Variants in CAMTA1 observed in about 807,000 individuals in gnomAD.
The protein encoded by CAMTA1 is calmodulin-binding transcription activator 1.
CAMTA1 carries 27 observed loss-of-function variants against 170.9 expected under a neutral mutation model. That is an observed-to-expected ratio of 0.16 (90% CI 0.12 to 0.22). The LOEUF is 0.22. Ranked by LOEUF, CAMTA1 falls within the 10% of genes least tolerant of loss-of-function variation. The pLI is 1.00. For missense variants in CAMTA1, 1,619 were observed against 2,217.2 expected (o/e 0.73, Z 5.42); for synonymous variants, 833 against 891.5 (o/e 0.93, Z 1.17).
At chr1:7,071,064 G>T (rs774579315) in intron 3 of CAMTA1, among the ~76,000 whole-genome samples, 3 of 152,244 alleles carry the variant, frequency 2.0e-5, no homozygotes. Context: ...GCCAGTCAGA[G>T]CCCGCAGACT....
chr1:6,915,161 A>G (rs11120785), intron 3 of CAMTA1, among the ~76,000 whole-genome samples: 105,862 of 152,098 alleles, frequency 0.7, 37,236 homozygotes, highest in Admixed American at 0.78. Flanking sequence ...TAAAATCCAG[A>G]CACTTTGGAT....
chr1:7,088,372 A>G (rs993890689), intron 3 of CAMTA1, among the ~76,000 whole-genome samples: 1 of 152,090 alleles, frequency 6.6e-6, no homozygotes, highest in Non-Finnish European at 1.5e-5. Flanking sequence ...GACCCCTGCT[A>G]AGTTTGGCCA....
chr1:7,555,747 T>C (rs557027330), intron 6 of CAMTA1, among the ~76,000 whole-genome samples: 1 of 129,832 alleles, frequency 7.7e-6, no homozygotes, highest in Non-Finnish European at 1.7e-5. Context: ...CAAACCAAGC[T>C]CAAGCCCAGG....
intron 4 of CAMTA1, among the ~76,000 whole-genome samples, chr1:7,236,690 C>G (rs1205808976): frequency 6.6e-6 from 1 of 152,192 alleles, no homozygotes. Flanking sequence ...AAGGGCCCTC[C>G]CCGGCACCTG....
intron 5 of CAMTA1, among the ~76,000 whole-genome samples, chr1:7,263,732 G>A (rs1415946071): frequency 2.6e-5 from 4 of 152,132 alleles, no homozygotes; most frequent in African/African-American, 7.2e-5. Flanking sequence ...ACAAGGACAC[G>A]AATCAGAGCT....
intron 4 of CAMTA1, among the ~76,000 whole-genome samples, chr1:7,244,798 C>T (rs981679284): frequency 1.3e-5 from 2 of 151,916 alleles, no homozygotes; most frequent in Admixed American, 6.6e-5. Flanking sequence ...TGCTAAACGA[C>T]GAGTTAATGG....
intron 22 of CAMTA1, among the ~76,000 whole-genome samples, chr1:7,757,717 C>A (rs993050660): frequency 1.3e-5 from 2 of 151,572 alleles, no homozygotes; most frequent in African/African-American, 4.9e-5. Flanking sequence ...GCCTGGGCGA[C>A]AGAGCAAGAC....
At chr1:6,974,065 T>C (rs1235848308) in intron 3 of CAMTA1, among the ~76,000 whole-genome samples, 3 of 152,214 alleles carry the variant, frequency 2.0e-5, no homozygotes, top group East Asian at 3.9e-4. Flanking sequence ...ATGGCATTTG[T>C]CTGAAGACAG....
chr1:7,069,086 C>T (rs572239641), intron 3 of CAMTA1, among the ~76,000 whole-genome samples: 130 of 152,270 alleles, frequency 8.5e-4, no homozygotes, highest in Middle Eastern at 6.8e-3. Context: ...CCCTGCTGGG[C>T]CCCCGGTATC....
At chr1:7,654,414 T>G (rs758322466) in intron 7 of CAMTA1, among the ~76,000 whole-genome samples, 2 of 151,678 alleles carry the variant, frequency 1.3e-5, no homozygotes, top group Non-Finnish European at 2.9e-5. Context: ...AAAAATAAAG[T>G]GGTAGAGGAG....
chr1:7,603,778 C>T (rs1470528472), intron 6 of CAMTA1, among the ~76,000 whole-genome samples: 11 of 152,220 alleles, frequency 7.2e-5, no homozygotes, highest in African/African-American at 1.4e-4. Context: ...TTCCTAGCCT[C>T]GATGGTCTTT....
intron 5 of CAMTA1, among the ~76,000 whole-genome samples, chr1:7,267,104 G>A (rs1669054573): frequency 6.6e-6 from 1 of 152,184 alleles, no homozygotes; most frequent in Non-Finnish European, 1.5e-5. Flanking sequence ...TCTATGGAGT[G>A]GAAAGGCTAA....
intron 5 of CAMTA1, among the ~76,000 whole-genome samples, chr1:7,383,097 A>G (rs1261058452): frequency 6.6e-6 from 1 of 152,154 alleles, no homozygotes; most frequent in African/African-American, 2.4e-5. Context: ...TAATCACATG[A>G]TCATAAAAAT....
chr1:7,053,184 G>A (rs1431182074), intron 3 of CAMTA1, among the ~76,000 whole-genome samples: 1 of 152,176 alleles, frequency 6.6e-6, no homozygotes, highest in African/African-American at 2.4e-5. Flanking sequence ...AGTGTTTGCC[G>A]CCGCAGCGTC....
At position 7,010,190 on chromosome 1, in the gene CAMTA1, T is replaced by C. The variant is rs367986739; in HGVS notation, c.235-81114T>C. ...TGCTGCGAGGAGGGCTTCCTGGAGC[T>C]TGGGGAAGCTTCAGTCCAGAGAAGA... On this transcript the variant is annotated intron_variant, in intron 3 of 22. Coordinates refer to ENST00000303635, the MANE Select transcript of CAMTA1 (RefSeq NM_015215.4). This position sits in a 1 kb window ranked among gnomAD's most constrained non-coding sequence, Gnocchi z 4.4. Among the ~76,000 whole-genome samples, 98 of 152,290 alleles carry C rather than the reference T, an allele frequency of 6.4e-4. No homozygotes were observed. Among genetic ancestry groups the C allele is most frequent in the Admixed American group, 2.1e-3 (32 of 15,296 alleles).
chr1:7,769,359 A>G lies in CAMTA1; in HGVS notation c.*2868A>G, dbSNP rs968341181. 6.5e-6 allele frequency: 1 copy of G among 152,762 alleles called. No individual in the cohort carries two copies. The highest frequency in any genetic ancestry group is 1.5e-5 in the Non-Finnish European group (1 of 68,040). The allele number at this position is 152,762 out of a possible 1,614,324, so 9.5% of individuals were successfully genotyped here. On this transcript the variant is annotated 3_prime_UTR_variant, in exon 23 of 23. Coordinates refer to ENST00000303635, the MANE Select transcript of CAMTA1 (RefSeq NM_015215.4). The stretch of plus-strand genomic sequence containing the variant: ...TCTATCTCCTGAAGATTTAATTGCT[A>G]TTGTTACCCATTCGAAATCAGCTGT...
intron 1 of CAMTA1, among the ~76,000 whole-genome samples, chr1:6,793,762 G>T (rs1641786614): frequency 1.3e-5 from 2 of 152,134 alleles, no homozygotes; most frequent in South Asian, 2.1e-4. Flanking sequence ...AAAAGTTATT[G>T]TCTATTTTTC....
At chr1:7,538,847 C>T (rs1213234351) in intron 6 of CAMTA1, among the ~76,000 whole-genome samples, 1 of 152,174 alleles carries the variant, frequency 6.6e-6, no homozygotes, top group Non-Finnish European at 1.5e-5. Context: ...TGTGGGTGAA[C>T]CCACCTTTCT....
At chr1:7,233,810 C>T (rs151283577) in intron 4 of CAMTA1, among the ~76,000 whole-genome samples, 27 of 152,264 alleles carry the variant, frequency 1.8e-4, no homozygotes, top group African/African-American at 5.5e-4. Flanking sequence ...CGCCTCTCCC[C>T]GTTCTTTTTG....
Sources: gnomAD v4.1 joint callset for allele counts (sites outside exome capture counted in the v4.1 genomes callset) on GRCh38, gnomAD v4.1.1 for gene constraint, Gnocchi (gnomAD v3.1) non-coding constraint, MANE v1.5 for transcripts, NCBI Gene and HGNC (gene_info 2026-07-23, HGNC 2026-07-21) for gene names.